Variants in MYO19 observed in about 807,000 individuals in gnomAD.
MYO19 encodes unconventional myosin-XIX.
A neutral mutation model predicts 129.2 loss-of-function variants in MYO19; 132 were observed. The observed-to-expected ratio is 1.02, with a 90% CI of 0.89 to 1.18. The LOEUF is 1.18. MYO19 is among the 50% of genes most tolerant of loss of function. The pLI, the probability that MYO19 is intolerant of heterozygous loss-of-function variation, is 0.00. For missense variants in MYO19, 1,210 were observed against 1,216.7 expected (o/e 0.99, Z 0.08); for synonymous variants, 531 against 477.2 (o/e 1.11, Z -1.47).
chr17:36,517,759 T>C (rs2072851145), intron 6 of MYO19, among the ~76,000 whole-genome samples: 1 of 152,160 alleles, frequency 6.6e-6, no homozygotes, highest in South Asian at 2.1e-4. Context: ...GTGACTGCAT[T>C]TGGAGAAGGG....
At chr17:36,540,287 G>A (rs574881543) in intron 2 of MYO19, among the ~76,000 whole-genome samples, 115 of 152,110 alleles carry the variant, frequency 7.6e-4, no homozygotes, top group Non-Finnish European at 1.3e-3. Context: ...CTGGCTTCAC[G>A]TGATCCTCCC....
intron 14 of MYO19, 24 bp from the exon 15 acceptor site, chr17:36,507,948 T>C (rs752365652): frequency 3.2e-6 from 5 of 1,577,710 alleles, no homozygotes; most frequent in South Asian, 1.2e-5. Context: ...AGAGAACCCA[T>C]GGGGCCACTG....
chr17:36,508,997 C>T, intron 14 of MYO19, 65 bp downstream of exon 14: 1 of 1,432,220 alleles, frequency 7.0e-7, no homozygotes, highest in Non-Finnish European at 9.7e-7. Flanking sequence ...AGGGCTCCTG[C>T]CTCTCCATCC....
upstream of MYO19, chr17:36,543,444 A>T (rs1287689477): frequency 6.6e-6 from 1 of 152,150 alleles, no homozygotes; most frequent in African/African-American, 2.4e-5. Flanking sequence ...GTGAGCCATG[A>T]CCCCGGCCCA....
At position 36,504,019 on chromosome 17, in the gene MYO19, A is replaced by G; in HGVS notation, c.1907T>C (p.Val636Ala). ...GQAQTFLQEE[V>A]LSQLEACGLV... is the part of the protein sequence containing the mutation. ...GCCACAGGCCTCCAGCTGGCTCAGG[A>G]CCTGCAAGGGTGGGGAGACAGGGCA... The change falls in exon 20 of 26, where the codon GTC (valine) becomes GCC (alanine). Residue 636 changes from valine to alanine, a missense_variant and splice_region_variant. Coordinates refer to ENST00000614623, the MANE Select transcript of MYO19 (RefSeq NM_001163735.2). 1 of 1,569,428 alleles carries G rather than the reference A, an allele frequency of 6.4e-7. No homozygotes were observed. Among genetic ancestry groups the G allele is most frequent in the Non-Finnish European group, 8.6e-7 (1 of 1,160,088 alleles).
intron 11 of MYO19, chr17:36,512,924 A>T (rs893588755): frequency 3.4e-6 from 3 of 895,164 alleles, no homozygotes; most frequent in Non-Finnish European, 4.4e-6. Context: ...TTGGGGGAAG[A>T]CAGAGAGGGT....
chr17:36,498,445 T>C lies in MYO19; in HGVS notation c.2578A>G (p.Ile860Val), dbSNP rs1599192896. ...AGTCCCAGGGGCCAGAGGCGGATTA[T>C]TGCCTCCAGGAGCCTGGTCTGCAGC... ...SPLQTRLLEAIIRLWPLGLVL... is the reference protein window; with the variant it reads ...SPLQTRLLEAVIRLWPLGLVL... The change falls in exon 25 of 26, where the codon ATA (isoleucine) becomes GTA (valine). Residue 860 changes from isoleucine (I) to valine (V), a missense_variant. By Grantham distance (29) the Ile-to-Val change is conservative (BLOSUM62 3). Transcript: ENST00000614623. 6.2e-7 allele frequency: 1 copy of C among 1,613,902 alleles called. No homozygotes were observed. The highest frequency in any genetic ancestry group is 1.3e-5 in the African/African-American group (1 of 74,926).
In MYO19 at chr17:36,541,155, C is replaced by T. The variant is rs1220262002; in HGVS notation, n.395+926G>A. On this transcript the variant is annotated intron_variant and non_coding_transcript_variant, in intron 2 of 2. Transcript: ENST00000610496. Reference sequence around the variant, plus strand: ...TTAGAGACGGGGTTTCACCGTTAGCCAAGATGGTCTGGATCTCCTGACCTC... The same window carrying T: ...TTAGAGACGGGGTTTCACCGTTAGCTAAGATGGTCTGGATCTCCTGACCTC... 4.6e-5 allele frequency among the ~76,000 whole-genome samples: 7 copies of T among 151,924 alleles called. No homozygotes were observed. In the South Asian group the frequency reaches 1.5e-3, roughly 32 times the overall value.
chr17:36,506,419 T>A, intron 18 of MYO19, 37 bp downstream of exon 18: 1 of 1,194,930 alleles, frequency 8.4e-7, no homozygotes, highest in Non-Finnish European at 1.1e-6. Flanking sequence ...ACCGTGGAGT[T>A]TGAACCAAGC....
intron 3 of MYO19, among the ~76,000 whole-genome samples, chr17:36,531,132 C>T (rs950113293): frequency 2.6e-5 from 4 of 151,806 alleles, no homozygotes; most frequent in Non-Finnish European, 4.4e-5. Context: ...CGGTGGCTCA[C>T]GCCTGTAGTC....
At chr17:36,518,962 G>T (rs2072978272) in intron 6 of MYO19, among the ~76,000 whole-genome samples, 1 of 152,084 alleles carries the variant, frequency 6.6e-6, no homozygotes, top group African/African-American at 2.4e-5. Context: ...AACATAGTTT[G>T]TATCATTTTA....
chr17:36,532,496 G>A, intron 3 of MYO19, 31 bp downstream of exon 3: 3 of 1,553,476 alleles, frequency 1.9e-6, no homozygotes, highest in South Asian at 1.2e-5. Flanking sequence ...AGGTGCTTGA[G>A]GGCCTGGGTT....
chr17:36,534,975 G>GGCGGGGCGAGCACTCGCGGC (rs1431799444), upstream of MYO19: 4 of 152,406 alleles, frequency 2.6e-5, no homozygotes, highest in Non-Finnish European at 4.4e-5. Context: ...CCTCCCTAGG[G>GGCGGGGCGAGCACTCGCGGC]GCGGGGCGAG....
At chr17:36,501,384 A>G in intron 21 of MYO19, 149 bp from the exon 22 acceptor site, 1 of 833,628 alleles carries the variant, frequency 1.2e-6, no homozygotes, top group South Asian at 2.1e-5. Flanking sequence ...CTTCTTTTGG[A>G]GGAAGCCACA....
upstream of MYO19, among the ~76,000 whole-genome samples, chr17:36,536,470 A>G (rs1189878936): frequency 1.3e-5 from 2 of 151,450 alleles, no homozygotes; most frequent in Non-Finnish European, 1.5e-5. Context: ...CTATGATGCC[A>G]TTCTCAGAGT....
chr17:36,520,988 A>G (rs979196710), intron 6 of MYO19, among the ~76,000 whole-genome samples: 1 of 152,238 alleles, frequency 6.6e-6, no homozygotes, highest in Non-Finnish European at 1.5e-5. Context: ...ATTCACCAAC[A>G]GTTAAGTTCA....
intron 25 of MYO19, chr17:36,497,616 G>A (rs1226377327): frequency 4.1e-5 from 36 of 881,388 alleles, no homozygotes; most frequent in Middle Eastern, 5.7e-4. Flanking sequence ...ATGGACTCTC[G>A]TCCTGTCACC....
chr17:36,513,865 CA>C, intron 9 of MYO19, 140 bp from the exon 10 acceptor site: 1 of 701,704 alleles, frequency 1.4e-6, no homozygotes, highest in Non-Finnish European at 2.4e-6. Context: ...GAGCCCACGG[CA>C]GGTATGGGGG....
At chr17:36,543,853 T>C (rs563405887), upstream of MYO19, among the ~76,000 whole-genome samples, 141 of 151,978 alleles carry the variant, frequency 9.3e-4, no homozygotes, top group African/African-American at 3.3e-3. Context: ...CTCAAACTCC[T>C]GACCCTCAGG....
Sources: allele counts gnomAD v4.1 joint callset (sites outside exome capture counted in the v4.1 genomes callset), GRCh38; gene constraint gnomAD v4.1.1; transcripts MANE v1.5; gene names NCBI Gene and HGNC (gene_info 2026-07-23, HGNC 2026-07-21).